Variants in NTM observed in about 807,000 individuals in gnomAD.
NTM encodes the protein IgLON family member 2.
In NTM, 13 loss-of-function variants were observed where a neutral mutation model predicts 42.1. The ratio of observed to expected loss-of-function variants is 0.31; its 90% CI spans 0.20 to 0.49. NTM has a LOEUF of 0.49. Among genes scored for constraint, NTM ranks in the 20% least tolerant of loss-of-function variants. The pLI is 0.99. For missense variants in NTM, 373 were observed against 452.8 expected (o/e 0.82, Z 1.60); for synonymous variants, 187 against 179.2 (o/e 1.04, Z -0.35).
At chr11:131,770,931 T>G (rs150418581) in intron 1 of NTM, 309 of 152,362 alleles carry the variant, frequency 2.0e-3, no homozygotes, top group Admixed American at 5.5e-3. Flanking sequence ...CTCTTTCTGC[T>G]GCTCTTCTGT....
At chr11:131,376,367 C>T (rs755683402) in intron 1 of NTM, among the ~76,000 whole-genome samples, 1 of 152,128 alleles carries the variant, frequency 6.6e-6, no homozygotes, top group Non-Finnish European at 1.5e-5. Context: ...TTTCTACTTG[C>T]CCCTCCTTTC....
chr11:132,071,572 G>A (rs779447762), intron 2 of NTM, among the ~76,000 whole-genome samples: 1 of 152,186 alleles, frequency 6.6e-6, no homozygotes, highest in Admixed American at 6.5e-5. Flanking sequence ...AAATACATTA[G>A]CCATGATTAT....
At chr11:131,803,483 A>G (rs2092295589) in intron 1 of NTM, among the ~76,000 whole-genome samples, 1 of 151,986 alleles carries the variant, frequency 6.6e-6, no homozygotes, top group African/African-American at 2.4e-5. Context: ...TAATTTTTAT[A>G]TTTTTAAGTA....
chr11:132,161,663 C>T (rs1272533556), intron 3 of NTM, among the ~76,000 whole-genome samples: 1 of 151,982 alleles, frequency 6.6e-6, no homozygotes, highest in Non-Finnish European at 1.5e-5. Flanking sequence ...CCCTGGCGCC[C>T]CCTTGCCAGT....
chr11:131,422,891 T>A (rs1367700881), intron 1 of NTM, among the ~76,000 whole-genome samples: 1 of 152,230 alleles, frequency 6.6e-6, no homozygotes, highest in Non-Finnish European at 1.5e-5. Flanking sequence ...GGACTATATA[T>A]CTTCCTGCTC....
Position 131,990,529 on chromosome 11 carries a change from A to G in NTM, c.167+78881A>G, listed in dbSNP as rs565037527. 2.6e-5 allele frequency among the ~76,000 whole-genome samples: 4 copies of G among 151,820 alleles called. No homozygotes were observed. In the East Asian group the frequency reaches 7.7e-4, roughly 29 times the overall value. On this transcript the variant is annotated intron_variant, in intron 2 of 8. Transcript: ENST00000683400. Reference sequence around the variant, plus strand: ...TGTTTGCATGTGTGTGTGTGTGTCTATAATGTGTGTGTGTCTATAAATCCA... The same window carrying G: ...TGTTTGCATGTGTGTGTGTGTGTCTGTAATGTGTGTGTGTCTATAAATCCA...
intron 3 of NTM, among the ~76,000 whole-genome samples, chr11:132,156,507 A>T (rs1398804487): frequency 6.6e-6 from 1 of 152,166 alleles, no homozygotes; most frequent in East Asian, 1.9e-4. Context: ...CACAGTTAAA[A>T]TGTGGCATTT....
intron 1 of NTM, among the ~76,000 whole-genome samples, chr11:131,477,129 G>A (rs452368): frequency 1.3e-5 from 2 of 152,040 alleles, no homozygotes; most frequent in African/African-American, 2.4e-5. Context: ...GGAGAAAGGC[G>A]AATGCAGAAC....
intron 1 of NTM, among the ~76,000 whole-genome samples, chr11:131,598,751 CTTTCTTCTTTCTTTTT>C (rs2060095393): frequency 1.5e-5 from 1 of 68,706 alleles, no homozygotes; most frequent in African/African-American, 4.6e-5. Flanking sequence ...TTCTTTCTTT[CTTTCTTCTTTCTTTTT>C]TTCTTTCTTT....
At chr11:131,527,143 C>T (rs1650846932) in intron 1 of NTM, among the ~76,000 whole-genome samples, 1 of 152,172 alleles carries the variant, frequency 6.6e-6, no homozygotes, top group Non-Finnish European at 1.5e-5. Context: ...TGTGTAACCC[C>T]CCTGGTCTCC....
intron 1 of NTM, among the ~76,000 whole-genome samples, chr11:131,525,232 C>A (rs2050304616): frequency 6.6e-6 from 1 of 152,142 alleles, no homozygotes. Flanking sequence ...GCACTCTGGG[C>A]AGCTGAGCAA....
chr11:132,012,448 C>G (rs189285824), intron 2 of NTM, among the ~76,000 whole-genome samples: 2 of 152,086 alleles, frequency 1.3e-5, no homozygotes, highest in African/African-American at 4.8e-5. Flanking sequence ...TTAGCACAGT[C>G]TGAAATAATG....
intron 3 of NTM, among the ~76,000 whole-genome samples, chr11:132,154,720 T>C (rs1231647803): frequency 1.3e-5 from 2 of 152,206 alleles, no homozygotes; most frequent in African/African-American, 2.4e-5. Flanking sequence ...CTGTTTCTGA[T>C]ATCTCCAGGC....
chr11:132,018,516 A>G (rs1207511960), intron 2 of NTM, among the ~76,000 whole-genome samples: 3 of 151,916 alleles, frequency 2.0e-5, no homozygotes, highest in Non-Finnish European at 4.4e-5. Flanking sequence ...TTTATTATAT[A>G]CTATATTTCA....
At chr11:132,243,969 G>A (rs915684077) in intron 4 of NTM, among the ~76,000 whole-genome samples, 1 of 152,174 alleles carries the variant, frequency 6.6e-6, no homozygotes, top group African/African-American at 2.4e-5. Flanking sequence ...TTTTGTCTCC[G>A]CCGTCTGCCA....
intron 1 of NTM, among the ~76,000 whole-genome samples, chr11:131,574,597 C>G (rs2057758910): frequency 8.6e-6 from 1 of 116,838 alleles, no homozygotes; most frequent in African/African-American, 3.6e-5. Flanking sequence ...TCTACACATG[C>G]ACCTTTACAT....
At chr11:131,729,420 T>G (rs1391104210) in intron 1 of NTM, among the ~76,000 whole-genome samples, 5 of 152,206 alleles carry the variant, frequency 3.3e-5, no homozygotes, top group Non-Finnish European at 7.3e-5. Flanking sequence ...AGTATATAAG[T>G]TTGTTTGTAA....
intron 4 of NTM, among the ~76,000 whole-genome samples, chr11:132,247,820 G>A (rs1001705893): frequency 7.9e-5 from 12 of 151,954 alleles, no homozygotes; most frequent in Non-Finnish European, 1.6e-4. Flanking sequence ...TCTACTCTCT[G>A]ATTTCTTTCA....
At chr11:131,793,107 G>A (rs6590596) in intron 1 of NTM, among the ~76,000 whole-genome samples, 5,918 of 152,212 alleles carry the variant, frequency 0.039, 398 homozygotes, top group African/African-American at 0.13. Context: ...TTCCATGATC[G>A]ATCTACATAA....
Sources: gnomAD v4.1 joint callset for allele counts (sites outside exome capture counted in the v4.1 genomes callset) on GRCh38, gnomAD v4.1.1 for gene constraint, MANE v1.5 for transcripts, NCBI Gene and HGNC (gene_info 2026-07-23, HGNC 2026-07-21) for gene names.